Variants in UBE3D observed in about 807,000 individuals in gnomAD.
UBE3D encodes the protein E3 ubiquitin-protein ligase E3D.
In UBE3D, 48 loss-of-function variants were observed where a neutral mutation model predicts 49.6. The observed-to-expected ratio is 0.97, with a 90% CI of 0.77 to 1.23. The LOEUF is 1.23. UBE3D is among the 50% of genes most tolerant of loss of function. The pLI is 0.00. For missense variants in UBE3D, 452 were observed against 468.4 expected, an observed-to-expected ratio of 0.96 and a Z score of 0.32; for synonymous variants, 189 against 174.2, an observed-to-expected ratio of 1.08 and a Z score of -0.67.
At chr6:82,928,680 G>C (rs1773926145) in intron 9 of UBE3D, among the ~76,000 whole-genome samples, 1 of 152,204 alleles carries the variant, frequency 6.6e-6, no homozygotes, top group African/African-American at 2.4e-5. Context: ...CTAAATGTTG[G>C]CTCTCATTAT....
intron 8 of UBE3D, among the ~76,000 whole-genome samples, chr6:82,997,554 C>T (rs2127740433): frequency 6.6e-6 from 1 of 152,128 alleles, no homozygotes; most frequent in Non-Finnish European, 1.5e-5. Context: ...CCCGTCTCTA[C>T]TAAAAATACA....
At chr6:83,021,641 TG>T (rs1781097838) in intron 7 of UBE3D, among the ~76,000 whole-genome samples, 1 of 150,922 alleles carries the variant, frequency 6.6e-6, no homozygotes, top group Non-Finnish European at 1.5e-5. Context: ...CCGAGGTGGG[TG>T]GATCACGAGG....
At chr6:82,956,241 C>T (rs900100739) in intron 9 of UBE3D, among the ~76,000 whole-genome samples, 6 of 152,170 alleles carry the variant, frequency 3.9e-5, no homozygotes, top group Admixed American at 6.5e-5. Context: ...TTCTCAGCAA[C>T]GTAGGTTGTA....
intron 9 of UBE3D, among the ~76,000 whole-genome samples, chr6:82,939,766 C>A (rs1402514713): frequency 6.6e-6 from 1 of 152,070 alleles, no homozygotes; most frequent in Non-Finnish European, 1.5e-5. Context: ...ACATGTTTCT[C>A]AGAATGTATC....
chr6:83,020,390 T>C (rs1179465675), intron 7 of UBE3D, among the ~76,000 whole-genome samples: 2 of 151,386 alleles, frequency 1.3e-5, no homozygotes, highest in African/African-American at 4.9e-5. Context: ...AGTGTACATA[T>C]ATATAGTTGT....
chr6:83,033,827 T>A (rs1323302534), intron 5 of UBE3D, among the ~76,000 whole-genome samples: 1 of 152,118 alleles, frequency 6.6e-6, no homozygotes, highest in African/African-American at 2.4e-5. Flanking sequence ...TCACTTTGCT[T>A]CCAAAATATC....
chr6:82,882,137 T>G, the UBE3D span, among the ~76,000 whole-genome samples: 1 of 152,146 alleles, frequency 6.6e-6, no homozygotes, highest in Admixed American at 6.6e-5. Context: ...AGGGTTTGAA[T>G]TTGGAATTAT....
chr6:83,001,187 C>G (rs1028103082), intron 8 of UBE3D, among the ~76,000 whole-genome samples: 3 of 152,160 alleles, frequency 2.0e-5, no homozygotes, highest in East Asian at 3.9e-4. Flanking sequence ...CCCAGTTGGT[C>G]TCTCTCTGAT....
chr6:82,974,359 C>G (rs192282086), intron 8 of UBE3D, among the ~76,000 whole-genome samples: 4 of 152,016 alleles, frequency 2.6e-5, no homozygotes, highest in African/African-American at 7.2e-5. Context: ...TTCCAGGACC[C>G]CCCACAACAA....
At chr6:83,005,771 GTGATATATACATACCATGGAATGA>G (rs1779935627) in intron 8 of UBE3D, among the ~76,000 whole-genome samples, 1 of 152,096 alleles carries the variant, frequency 6.6e-6, no homozygotes, top group Non-Finnish European at 1.5e-5. Context: ...TAAACAAAAT[GTGATATATACATACCATGGAATGA>G]TATTCAGCCT....
At chr6:83,030,688 C>T (rs1781802979) in intron 5 of UBE3D, among the ~76,000 whole-genome samples, 1 of 152,094 alleles carries the variant, frequency 6.6e-6, no homozygotes, top group South Asian at 2.1e-4. Context: ...GAGGTTGGAA[C>T]AGTTTGGAGG....
intron 8 of UBE3D, among the ~76,000 whole-genome samples, chr6:83,008,976 G>A (rs1475772373): frequency 2.6e-5 from 4 of 152,034 alleles, no homozygotes; most frequent in Admixed American, 2.6e-4. Context: ...AAGACATTTG[G>A]AGTTTAAAAA....
At chr6:83,044,351 T>A in intron 4 of UBE3D, 77 bp downstream of exon 4, 1 of 1,411,376 alleles carries the variant, frequency 7.1e-7, no homozygotes, top group Non-Finnish European at 9.9e-7. Context: ...TAACAAGCCC[T>A]TAATTAGGAA....
intron 9 of UBE3D, among the ~76,000 whole-genome samples, chr6:82,922,480 G>T (rs187107748): frequency 2.7e-4 from 41 of 152,288 alleles, no homozygotes; most frequent in African/African-American, 8.4e-4. Flanking sequence ...AAGCAATGGG[G>T]AAAAGTTTCC....
At chr6:83,015,565 C>A (rs1007253272) in intron 8 of UBE3D, among the ~76,000 whole-genome samples, 8 of 152,158 alleles carry the variant, frequency 5.3e-5, no homozygotes, top group Admixed American at 1.3e-4. Context: ...CATTCCCATG[C>A]CTGTTTTCCA....
intron 9 of UBE3D, among the ~76,000 whole-genome samples, chr6:82,901,948 GTGAATGAATTT>G (rs1771767515): frequency 6.6e-6 from 1 of 152,178 alleles, no homozygotes; most frequent in African/African-American, 2.4e-5. Context: ...TAAAAGTTAA[GTGAATGAATTT>G]TCTGGGGGGT....
chr6:82,881,686 T>C, the UBE3D span, among the ~76,000 whole-genome samples: 1 of 152,190 alleles, frequency 6.6e-6, no homozygotes, highest in Non-Finnish European at 1.5e-5. Context: ...CCCTCTTCTC[T>C]TTCTCTGTCC....
At chr6:82,941,628 T>C (rs1775019974) in intron 9 of UBE3D, among the ~76,000 whole-genome samples, 2 of 152,176 alleles carry the variant, frequency 1.3e-5, no homozygotes, top group African/African-American at 2.4e-5. Context: ...AATCTCCCTT[T>C]GAATTGTAAT....
chr6:82,971,950 G>GTTA (rs1777383322), intron 8 of UBE3D, among the ~76,000 whole-genome samples: 1 of 152,056 alleles, frequency 6.6e-6, no homozygotes, highest in Non-Finnish European at 1.5e-5. Context: ...TAACAAATAG[G>GTTA]TTCTCTTCAT....
Sources: allele counts gnomAD v4.1 joint callset (sites outside exome capture counted in the v4.1 genomes callset), GRCh38; gene constraint gnomAD v4.1.1; transcripts MANE v1.5; gene names NCBI Gene and HGNC (gene_info 2026-07-23, HGNC 2026-07-21).